TRHDE: variants seen among roughly 807,000 people sequenced by gnomAD.
The protein encoded by TRHDE is thyrotropin-releasing hormone-degrading ectoenzyme.
Under a neutral mutation model 125.7 loss-of-function variants are expected in TRHDE, and 72 were observed. The observed-to-expected ratio is 0.57, with a 90% CI of 0.47 to 0.70. The LOEUF (loss-of-function observed/expected upper bound fraction) is 0.70. Ranked by LOEUF, TRHDE falls within the 30% of genes least tolerant of loss-of-function variation. The pLI is 0.00. For missense variants in TRHDE, 1,110 were observed against 1,327.1 expected (o/e 0.84, Z 2.54); for synonymous variants, 509 against 509.1 (o/e 1.00, Z 0.00).
At chr12:72,476,279 T>C (rs1337098883) in intron 5 of TRHDE, among the ~76,000 whole-genome samples, 1 of 152,192 alleles carries the variant, frequency 6.6e-6, no homozygotes, top group Non-Finnish European at 1.5e-5. Flanking sequence ...GTTTGTGAGA[T>C]AGCTCAATAT....
intron 5 of TRHDE, among the ~76,000 whole-genome samples, chr12:72,473,383 C>G (rs1197201961): frequency 6.6e-6 from 1 of 152,064 alleles, no homozygotes; most frequent in Non-Finnish European, 1.5e-5. Context: ...ATTTGCTATT[C>G]ATTTGCTTCA....
upstream of TRHDE, among the ~76,000 whole-genome samples, chr12:72,269,377 A>G (rs1879141818): frequency 6.6e-6 from 1 of 152,178 alleles, no homozygotes; most frequent in African/African-American, 2.4e-5. Flanking sequence ...TCCATTCTAT[A>G]TTAATAATCT....
chr12:72,258,331 GGATGCCAACA>G (rs1878864543), intron 2 of TRHDE: 1 of 152,136 alleles, frequency 6.6e-6, no homozygotes, highest in Non-Finnish European at 1.5e-5. Context: ...GGTGCCTACA[GGATGCCAACA>G]GAGTAGACAA....
chr12:72,518,191 G>A (rs1165838471), intron 6 of TRHDE, among the ~76,000 whole-genome samples: 1 of 150,186 alleles, frequency 6.7e-6, no homozygotes, highest in Admixed American at 6.6e-5. Flanking sequence ...TTCAATTCCT[G>A]GGTATCCTTG....
intron 2 of TRHDE, among the ~76,000 whole-genome samples, chr12:72,311,475 T>C (rs1868539234): frequency 6.6e-6 from 1 of 152,202 alleles, no homozygotes; most frequent in Non-Finnish European, 1.5e-5. Context: ...GCAGTCTTCA[T>C]GGATGGAATC....
chr12:72,594,917 G>A (rs1171641092), intron 12 of TRHDE, among the ~76,000 whole-genome samples: 2 of 151,828 alleles, frequency 1.3e-5, no homozygotes, highest in Non-Finnish European at 2.9e-5. Context: ...TATACACCAT[G>A]GAATACCATG....
chr12:72,613,302 T>G (rs964461492), intron 12 of TRHDE, among the ~76,000 whole-genome samples: 3 of 152,224 alleles, frequency 2.0e-5, no homozygotes, highest in Non-Finnish European at 2.9e-5. Flanking sequence ...GTTGTCTAGA[T>G]AGCAGTGGCC....
intron 12 of TRHDE, among the ~76,000 whole-genome samples, chr12:72,617,829 C>T (rs1365647629): frequency 6.6e-6 from 1 of 152,146 alleles, no homozygotes; most frequent in Non-Finnish European, 1.5e-5. Context: ...TGCACTGGAA[C>T]CTCTTTAATA....
At chr12:72,380,849 CTCTCTCTCTCTTTCTCTCTCTCTCT>C in intron 3 of TRHDE, among the ~76,000 whole-genome samples, 1 of 146,388 alleles carries the variant, frequency 6.8e-6, no homozygotes, top group African/African-American at 2.6e-5. Flanking sequence ...CTCCCTCCTT[CTCTCTCTCTCTTTCTCTCTCTCTCT>C]CTTCTTTCTT....
intron 3 of TRHDE, among the ~76,000 whole-genome samples, chr12:72,443,418 G>A (rs1875120563): frequency 6.6e-6 from 1 of 151,608 alleles, no homozygotes; most frequent in African/African-American, 2.4e-5. Context: ...CACTTACTAT[G>A]TACTTAAACT....
intron 3 of TRHDE, among the ~76,000 whole-genome samples, chr12:72,420,377 T>G (rs1434888489): frequency 1.3e-5 from 2 of 152,192 alleles, no homozygotes; most frequent in Admixed American, 6.5e-5. Flanking sequence ...GAAACAATCT[T>G]GGGACAGAAA....
chr12:72,310,586 G>C (rs948304456), intron 2 of TRHDE, among the ~76,000 whole-genome samples: 1 of 152,094 alleles, frequency 6.6e-6, no homozygotes, highest in Admixed American at 6.6e-5. Context: ...TAAATGTAGA[G>C]CTGCACTAGG....
At chr12:72,583,619 G>A (rs931537432) in intron 12 of TRHDE, among the ~76,000 whole-genome samples, 2 of 152,148 alleles carry the variant, frequency 1.3e-5, no homozygotes, top group Admixed American at 1.3e-4. Context: ...AACATTTTCA[G>A]GACATTTAAC....
intron 2 of TRHDE, among the ~76,000 whole-genome samples, chr12:72,346,669 C>T (rs1870344514): frequency 6.6e-6 from 1 of 152,054 alleles, no homozygotes; most frequent in African/African-American, 2.4e-5. Context: ...AGCCTGGCAT[C>T]AAAGAGGCTC....
chr12:72,270,075 A>G (rs1282088926), upstream of TRHDE, among the ~76,000 whole-genome samples: 1 of 152,216 alleles, frequency 6.6e-6, no homozygotes, highest in Non-Finnish European at 1.5e-5. Flanking sequence ...CCTGCTGAGG[A>G]TCGCAGGGCT....
intron 7 of TRHDE, among the ~76,000 whole-genome samples, chr12:72,555,180 T>A (rs1382325533): frequency 6.6e-6 from 1 of 152,208 alleles, no homozygotes; most frequent in African/African-American, 2.4e-5. Context: ...AAATGCCTTT[T>A]TTGTTCCTAG....
intron 5 of TRHDE, among the ~76,000 whole-genome samples, chr12:72,496,785 C>A (rs562047162): frequency 6.6e-6 from 1 of 152,092 alleles, no homozygotes; most frequent in African/African-American, 2.4e-5. Context: ...AGACAGTAGG[C>A]AATTAACCAA....
In TRHDE at chr12:72,102,368, G is replaced by A. The variant is rs146918349; in HGVS notation, n.175-3280G>A. ...ACAAAGACTCTCCACACGTGGCAGA[G>A]GGATTTGGCTCCAGGACACAGAGAA... On this transcript the variant is annotated intron_variant and non_coding_transcript_variant, in intron 1 of 4. Coordinates refer to the TRHDE transcript ENST00000548156. Among the ~76,000 whole-genome samples, 226 of 152,242 alleles carry A rather than the reference G, an allele frequency of 1.5e-3. 2 individuals carry two copies. The highest frequency in any genetic ancestry group is 5.0e-3 in the African/African-American group (206 of 41,546).
At chr12:72,445,346 TGTTCATAG>T (rs1224387709) in intron 3 of TRHDE, among the ~76,000 whole-genome samples, 4 of 151,890 alleles carry the variant, frequency 2.6e-5, no homozygotes, top group Admixed American at 6.6e-5. Context: ...AATATTGCCC[TGTTCATAG>T]GTGTATTTAT....
Sources: gnomAD v4.1 joint callset for allele counts (sites outside exome capture counted in the v4.1 genomes callset) on GRCh38, gnomAD v4.1.1 for gene constraint, MANE v1.5 for transcripts, NCBI Gene and HGNC (gene_info 2026-07-23, HGNC 2026-07-21) for gene names.